CCDC39: variants seen among roughly 807,000 people sequenced by gnomAD.
CCDC39 encodes the protein coiled-coil domain-containing protein 39.
In CCDC39, 113 loss-of-function variants were observed where a neutral mutation model predicts 121.0. That is an observed-to-expected ratio of 0.93 (90% CI 0.80 to 1.09). CCDC39 has a LOEUF of 1.09. Among genes scored for constraint, CCDC39 ranks in the 50% least tolerant of loss-of-function variants. The pLI, the probability that CCDC39 is intolerant of heterozygous loss-of-function variation, is 0.00. For synonymous variants in CCDC39, 349 were observed against 352.2 expected (o/e 0.99, Z 0.10); for missense variants, 1,063 against 1,074.7 (o/e 0.99, Z 0.15).
At position 180,651,510 on chromosome 3, in the gene CCDC39, T is replaced by C; in HGVS notation, c.1058A>G (p.Asn353Ser). ...CTTTAATTTTGTTTGTATTATCTCA[T>C]TATGATTTTTAGTTTTTTGTAACCT... ...TARLQKTKNH[N>S]EIIQTKLKEI... The change falls in exon 9 of 20, where the codon AAT becomes AGT. Residue 353 changes from asparagine to serine, a missense_variant. By Grantham distance (46) the Asn-to-Ser change is conservative. Transcript: ENST00000476379. 3 of 1,528,302 alleles carry C rather than the reference T, an allele frequency of 2.0e-6. No individual in the cohort carries two copies. The highest frequency in any genetic ancestry group is 2.6e-6 in the Non-Finnish European group (3 of 1,139,910). The allele number at this position is 1,528,302 out of a possible 1,614,324, so 94.7% of individuals were successfully genotyped here.
At chr3:180,626,538 G>C (rs1364452814) in intron 14 of CCDC39, among the ~76,000 whole-genome samples, 1 of 152,158 alleles carries the variant, frequency 6.6e-6, no homozygotes, top group Non-Finnish European at 1.5e-5. Flanking sequence ...TGGGACAGCA[G>C]GAATCGTCAC....
chr3:180,649,552 T>A (rs1718148710), intron 9 of CCDC39, among the ~76,000 whole-genome samples: 1 of 152,164 alleles, frequency 6.6e-6, no homozygotes, highest in Non-Finnish European at 1.5e-5. Flanking sequence ...TTTCTATAGG[T>A]TTAAGATCTT....
At chr3:180,657,415 T>G (rs1164617536) in intron 6 of CCDC39, among the ~76,000 whole-genome samples, 1 of 152,148 alleles carries the variant, frequency 6.6e-6, no homozygotes, top group Non-Finnish European at 1.5e-5. Flanking sequence ...ATGAGAAAAC[T>G]GATTGTGGAT....
At chr3:180,649,782 T>A (rs1381756960) in intron 9 of CCDC39, among the ~76,000 whole-genome samples, 1 of 152,238 alleles carries the variant, frequency 6.6e-6, no homozygotes, top group Non-Finnish European at 1.5e-5. Context: ...TTCAAAAATG[T>A]CTGAAGTTTT....
chr3:180,649,126 T>C (rs1277162049), intron 9 of CCDC39, among the ~76,000 whole-genome samples: 1 of 152,192 alleles, frequency 6.6e-6, no homozygotes, highest in African/African-American at 2.4e-5. Flanking sequence ...TCTAAAAATT[T>C]AACTATTGGC....
intron 1 of CCDC39, among the ~76,000 whole-genome samples, chr3:180,672,334 C>T (rs1224443725): frequency 6.6e-6 from 1 of 152,196 alleles, no homozygotes; most frequent in Admixed American, 6.5e-5. Context: ...TGGCTCACAC[C>T]TGTAATCCCA....
chr3:180,664,193 A>G (rs1315135991), intron 1 of CCDC39, among the ~76,000 whole-genome samples: 1 of 152,264 alleles, frequency 6.6e-6, no homozygotes, highest in Non-Finnish European at 1.5e-5. Context: ...TAGGAAGTCC[A>G]GGATCAAGGT....
chr3:180,659,721 T>G lies in CCDC39; in HGVS notation c.565A>C (p.Arg189=). The change falls in exon 5 of 20, where the codon AGA becomes CGA. Residue 189 remains arginine, a synonymous_variant. Coordinates refer to ENST00000476379, the MANE Select transcript of CCDC39 (RefSeq NM_181426.2). ...ERLTLECNQK[R]KILDNELTET... ...GTAAGTTCGTTGTCAAGTATCTTTC[T>G]TTTCTGATTACATTCCAAAGTTAGT... The G allele has an allele frequency of 6.2e-7, 1 of 1,612,772 alleles. No homozygotes were observed. Among genetic ancestry groups the G allele is most frequent in the East Asian group, 2.2e-5 (1 of 44,744 alleles).
chr3:180,666,879 G>GCA lies in CCDC39; in HGVS notation c.91-2895_91-2894dup, dbSNP rs752970659. ...CTAAATACATACACATTACACATAC[G>GCA]CACACACACACACACAATCAGATTG... is the stretch of plus-strand genomic sequence containing the variant. On this transcript the variant is annotated intron_variant, in intron 1 of 19. Transcript: ENST00000476379. Among the ~76,000 whole-genome samples the GCA allele has an allele frequency of 2.2e-3, 332 of 150,280 alleles. 2 individuals are homozygous for GCA. The Middle Eastern group carries it at 0.027, about 12-fold the overall frequency.
At chr3:180,676,339 T>C (rs1712204728) in intron 1 of CCDC39, among the ~76,000 whole-genome samples, 1 of 152,180 alleles carries the variant, frequency 6.6e-6, no homozygotes, top group Non-Finnish European at 1.5e-5. Context: ...GCAAAGGATA[T>C]GAACTGACAC....
At chr3:180,666,047 A>C (rs1711865839) in intron 1 of CCDC39, among the ~76,000 whole-genome samples, 1 of 152,080 alleles carries the variant, frequency 6.6e-6, no homozygotes, top group Admixed American at 6.6e-5. Context: ...CCTGTTATAC[A>C]ACCATTACCA....
intron 1 of CCDC39, among the ~76,000 whole-genome samples, chr3:180,664,205 C>T (rs1711814636): frequency 6.6e-6 from 1 of 152,144 alleles, no homozygotes; most frequent in African/African-American, 2.4e-5. Flanking sequence ...GATCAAGGTG[C>T]CAACTAATAT....
At chr3:180,676,454 C>T (rs1226041695) in intron 1 of CCDC39, among the ~76,000 whole-genome samples, 1 of 152,254 alleles carries the variant, frequency 6.6e-6, no homozygotes, top group Non-Finnish European at 1.5e-5. Flanking sequence ...TATCATCTCA[C>T]ACCAGTTAGA....
At chr3:180,658,099 C>T (rs973383634) in intron 6 of CCDC39, among the ~76,000 whole-genome samples, 1 of 151,466 alleles carries the variant, frequency 6.6e-6, no homozygotes, top group Non-Finnish European at 1.5e-5. Context: ...ATTAGCTGGG[C>T]GTGGTGGCGG....
chr3:180,640,342 G>A (rs1560086325), intron 13 of CCDC39, among the ~76,000 whole-genome samples: 1 of 151,592 alleles, frequency 6.6e-6, no homozygotes, highest in African/African-American at 2.4e-5. Flanking sequence ...TACTTAGAGG[G>A]TTTTTTTTAC....
At chr3:180,655,887 G>A (rs1711565934) in intron 6 of CCDC39, among the ~76,000 whole-genome samples, 1 of 152,210 alleles carries the variant, frequency 6.6e-6, no homozygotes, top group East Asian at 1.9e-4. Context: ...TAAGTTGGAT[G>A]AATTAGAAAA....
Position 180,615,014 on chromosome 3 carries a change from G to T in CCDC39, c.2733C>A (p.Phe911Leu). The T allele has an allele frequency of 6.4e-7, 1 of 1,560,058 alleles. No individual in the cohort carries two copies. The highest frequency in any genetic ancestry group is 2.4e-5 in the East Asian group (1 of 42,528). ...TGCCTACTAGTGAAGAGGAGGCCGG[G>T]AATTTAAGCTCCAGTACTTTAATTG... ...QSSIKVLELK[F>L]PASSSLVGSP... Residue 911 changes from phenylalanine to leucine, a missense_variant, in exon 20 of 20, where the codon TTC (phenylalanine) becomes TTA (leucine). Physicochemically the swap from Phe to Leu is conservative, Grantham distance 22 (BLOSUM62 0). Transcript: ENST00000476379.
intron 1 of CCDC39, among the ~76,000 whole-genome samples, chr3:180,665,221 C>T (rs2108431622): frequency 6.6e-6 from 1 of 152,246 alleles, no homozygotes; most frequent in East Asian, 1.9e-4. Context: ...ATTTTGTTTA[C>T]CTTTGAATTA....
intron 13 of CCDC39, among the ~76,000 whole-genome samples, chr3:180,635,373 C>CT (rs1171796395): frequency 1.3e-5 from 2 of 149,526 alleles, no homozygotes; most frequent in African/African-American, 4.9e-5. Flanking sequence ...AATAATCCCC[C>CT]CAAAGTCTTA....
Sources: allele counts gnomAD v4.1 joint callset (sites outside exome capture counted in the v4.1 genomes callset), GRCh38; gene constraint gnomAD v4.1.1; transcripts MANE v1.5; gene names NCBI Gene and HGNC (gene_info 2026-07-23, HGNC 2026-07-21).